KCNJ3: variants seen among roughly 807,000 people sequenced by gnomAD.
KCNJ3 encodes the protein potassium inwardly rectifying channel subfamily J member 3, also known as G protein-activated inward rectifier potassium channel 1.
Under a neutral mutation model 39.2 loss-of-function variants are expected in KCNJ3, and 4 were observed. The observed-to-expected ratio is 0.10, with a 90% CI of 0.05 to 0.23. The LOEUF (loss-of-function observed/expected upper bound fraction) is 0.23, where lower values mean the gene tolerates loss of function less well. KCNJ3 is among the 10% of genes least tolerant of loss of function. The pLI is 1.00. For missense variants in KCNJ3, 276 were observed against 634.9 expected, an observed-to-expected ratio of 0.43 and a Z score of 6.08; for synonymous variants, 230 against 237.4, an observed-to-expected ratio of 0.97 and a Z score of 0.29.
intron 1 of KCNJ3, among the ~76,000 whole-genome samples, chr2:154,709,088 T>C (rs1011577480): frequency 2.0e-5 from 3 of 152,240 alleles, no homozygotes; most frequent in African/African-American, 4.8e-5. Context: ...CCATTTTATA[T>C]GTGTTTGTTA....
intron 2 of KCNJ3, among the ~76,000 whole-genome samples, chr2:154,820,594 AG>A (rs1257508377): frequency 6.6e-6 from 1 of 152,150 alleles, no homozygotes; most frequent in African/African-American, 2.4e-5. Flanking sequence ...TGTGAACAAA[AG>A]TTCTCTGAAA....
chr2:154,763,878 T>C (rs545613496), intron 2 of KCNJ3, among the ~76,000 whole-genome samples: 1 of 152,348 alleles, frequency 6.6e-6, no homozygotes, highest in African/African-American at 2.4e-5. Context: ...GAATGTAGCA[T>C]ATACAAACTA....
chr2:154,730,384 A>C (rs1685430150), intron 2 of KCNJ3, among the ~76,000 whole-genome samples: 1 of 152,138 alleles, frequency 6.6e-6, no homozygotes, highest in South Asian at 2.1e-4. Context: ...TTGCTCAGCC[A>C]AGTTTTAAAA....
intron 1 of KCNJ3, among the ~76,000 whole-genome samples, chr2:154,708,251 G>A (rs987358747): frequency 6.6e-6 from 1 of 152,014 alleles, no homozygotes; most frequent in African/African-American, 2.4e-5. Flanking sequence ...TTCTCCTGTT[G>A]AAACTCTTTG....
intron 2 of KCNJ3, among the ~76,000 whole-genome samples, chr2:154,763,395 A>G (rs1052496016): frequency 3.3e-5 from 5 of 150,724 alleles, no homozygotes; most frequent in African/African-American, 7.3e-5. Flanking sequence ...TCTTACTAAG[A>G]TGAATGCTTA....
intron 2 of KCNJ3, among the ~76,000 whole-genome samples, chr2:154,821,308 G>A (rs1687168811): frequency 6.6e-6 from 1 of 152,172 alleles, no homozygotes; most frequent in Admixed American, 6.5e-5. Flanking sequence ...TCATAGCCTG[G>A]ATGTGAGAGT....
chr2:154,768,404 T>A (rs894634944), intron 2 of KCNJ3, among the ~76,000 whole-genome samples: 8 of 152,372 alleles, frequency 5.3e-5, no homozygotes, highest in African/African-American at 1.7e-4. Context: ...TTTCTACATA[T>A]GGCTAGCCAG....
intron 2 of KCNJ3, among the ~76,000 whole-genome samples, chr2:154,802,188 G>GT (rs1222853939): frequency 3.6e-4 from 53 of 147,672 alleles, no homozygotes; most frequent in African/African-American, 4.5e-4. Flanking sequence ...GATTTGGGGA[G>GT]TTTTTTTTTT....
intron 2 of KCNJ3, among the ~76,000 whole-genome samples, chr2:154,737,487 A>G (rs1228130588): frequency 6.6e-6 from 1 of 152,218 alleles, no homozygotes; most frequent in Non-Finnish European, 1.5e-5. Context: ...CATTCAAAGA[A>G]GCAGGAAAAT....
rs201714411 is a variant in KCNJ3 at position 154,850,828 on chromosome 2, G to T, written c.920-3899G>T. ...AATACACCCCATATATCCATACTTA[G>T]TCTCTTCTGCTATTAGGGGTAGTTA... On this transcript the variant is annotated intron_variant, in intron 2 of 2. Transcript: ENST00000295101. Among the ~76,000 whole-genome samples, 11 of 152,162 alleles carry T rather than the reference G, an allele frequency of 7.2e-5. No individual in the cohort carries two copies. The East Asian group carries it at 2.1e-3, about 29-fold the overall frequency.
intron 2 of KCNJ3, among the ~76,000 whole-genome samples, chr2:154,775,782 G>T (rs1414214046): frequency 1.3e-5 from 2 of 152,070 alleles, no homozygotes; most frequent in Non-Finnish European, 2.9e-5. Context: ...CGTAAAACAT[G>T]AAAGGACAAA....
At position 154,698,787 on chromosome 2, in the gene KCNJ3, C is replaced by A; in HGVS notation, c.12C>A (p.Leu4=). Residue 4 remains leucine, a synonymous_variant, in exon 1 of 3, where the codon CTC becomes CTA. Coordinates refer to ENST00000295101, the MANE Select transcript of KCNJ3 (RefSeq NM_002239.4). MSA[L]RRKFGDDYQV... Reference sequence around the variant, plus strand: ...CGCCCCTTCGTATTATGTCTGCACTCCGAAGGAAATTTGGGGACGATTATC... The same window carrying A: ...CGCCCCTTCGTATTATGTCTGCACTACGAAGGAAATTTGGGGACGATTATC... 2 of 1,602,766 alleles carry A rather than the reference C, an allele frequency of 1.2e-6. No homozygotes were observed. The highest frequency in any genetic ancestry group is 2.2e-5 in the South Asian group (2 of 90,896).
chr2:154,722,158 A>C (rs1463560627), intron 2 of KCNJ3, among the ~76,000 whole-genome samples: 1 of 152,072 alleles, frequency 6.6e-6, no homozygotes, highest in East Asian at 1.9e-4. Flanking sequence ...AAATACACTA[A>C]AAGTTGTAGC....
chr2:154,758,133 G>T (rs1207951614), intron 2 of KCNJ3, among the ~76,000 whole-genome samples: 2 of 152,044 alleles, frequency 1.3e-5, no homozygotes, highest in Non-Finnish European at 2.9e-5. Flanking sequence ...CTTGATACTT[G>T]TTTCCTATGT....
intron 2 of KCNJ3, among the ~76,000 whole-genome samples, chr2:154,713,037 G>C (rs1445797436): frequency 6.6e-6 from 1 of 151,996 alleles, no homozygotes; most frequent in African/African-American, 2.4e-5. Context: ...GGTTGTAGCA[G>C]AGTGAGCCAT....
intron 2 of KCNJ3, among the ~76,000 whole-genome samples, chr2:154,849,265 C>CTA (rs1456404942): frequency 3.3e-5 from 5 of 152,096 alleles, no homozygotes; most frequent in African/African-American, 1.2e-4. Flanking sequence ...ACATATAATC[C>CTA]TATAGAGATA....
At chr2:154,756,040 GTC>G (rs1311316192) in intron 2 of KCNJ3, among the ~76,000 whole-genome samples, 1 of 152,026 alleles carries the variant, frequency 6.6e-6, no homozygotes, top group Admixed American at 6.6e-5. Context: ...TTTACTTTCA[GTC>G]TTCAGCACCT....
At chr2:154,722,062 TA>T (rs1216978422) in intron 2 of KCNJ3, among the ~76,000 whole-genome samples, 8 of 152,162 alleles carry the variant, frequency 5.3e-5, no homozygotes, top group African/African-American at 1.7e-4. Context: ...CCTAGCTAAC[TA>T]GAGAGGGAGG....
intron 2 of KCNJ3, among the ~76,000 whole-genome samples, chr2:154,841,051 T>G (rs1387113071): frequency 6.6e-6 from 1 of 152,250 alleles, no homozygotes; most frequent in Non-Finnish European, 1.5e-5. Context: ...GCCCATTTAG[T>G]ATGATATTGG....
Sources: gnomAD v4.1 joint callset for allele counts (sites outside exome capture counted in the v4.1 genomes callset) on GRCh38, gnomAD v4.1.1 for gene constraint, MANE v1.5 for transcripts, NCBI Gene and HGNC (gene_info 2026-07-23, HGNC 2026-07-21) for gene names.